Variants in C1QTNF7 observed in about 807,000 individuals in gnomAD.
C1QTNF7 encodes the protein C1q and TNF related 7, also known as complement C1q tumor necrosis factor-related protein 7.
C1QTNF7 carries 15 observed loss-of-function variants against 19.6 expected under a neutral mutation model. The ratio of observed to expected loss-of-function variants is 0.76; its 90% CI spans 0.51 to 1.18. The LOEUF (loss-of-function observed/expected upper bound fraction) is 1.18. Among genes scored for constraint, C1QTNF7 ranks in the 50% most tolerant of loss-of-function variants. The pLI is 0.00. For missense variants in C1QTNF7, 324 were observed against 359.7 expected (o/e 0.90, Z 0.80); for synonymous variants, 142 against 137.5 (o/e 1.03, Z -0.23).
At position 15,435,936 on chromosome 4, in the gene C1QTNF7, G is replaced by T; in HGVS notation, c.193G>T (p.Gly65Cys). 1.2e-6 allele frequency: 2 copies of T among 1,614,032 alleles called. No homozygotes were observed. The highest frequency in any genetic ancestry group is 1.7e-6 in the Non-Finnish European group (2 of 1,179,992). ...HGRIGLPGRD[G>C]RDGRKGEKGE... The stretch of plus-strand genomic sequence containing the variant: ...TCGCATCGGCCTTCCAGGAAGAGAT[G>T]GTAGAGACGGCAGGAAAGGAGAGAA... The change falls in exon 2 of 3, where the codon GGT becomes TGT. Residue 65 changes from glycine to cysteine, a missense_variant. Gly to Cys is a radical substitution (Grantham distance 159). Coordinates refer to ENST00000444304, the MANE Select transcript of C1QTNF7 (RefSeq NM_031911.5).
Position 15,436,035 on chromosome 4 carries a change from G to C in C1QTNF7, c.238+54G>C, listed in dbSNP as rs937083291. 5.8e-6 allele frequency: 9 copies of C among 1,558,060 alleles called. No individual in the cohort carries two copies. In the African/African-American group the frequency reaches 1.2e-4, roughly 21 times the overall value. On this transcript the variant is annotated intron_variant, in intron 2 of 2. Transcript: ENST00000444304. The stretch of plus-strand genomic sequence containing the variant: ...CCTCCTTCACCCCCACCTTAAAACT[G>C]TTCCCCTTTCTTTGTTACTTTTTCT...
intron 1 of C1QTNF7, among the ~76,000 whole-genome samples, chr4:15,392,296 TA>T (rs374356648): frequency 9.1e-4 from 139 of 152,240 alleles, no homozygotes; most frequent in African/African-American, 3.1e-3. Context: ...TGTATATATC[TA>T]GGGGGCGCTT....
At chr4:15,365,338 G>A (rs951406498) in intron 1 of C1QTNF7, among the ~76,000 whole-genome samples, 4 of 151,968 alleles carry the variant, frequency 2.6e-5, no homozygotes, top group Non-Finnish European at 5.9e-5. Flanking sequence ...TAACAAATGT[G>A]CAGCCTTGAG....
intron 1 of C1QTNF7, among the ~76,000 whole-genome samples, chr4:15,350,646 G>A (rs1427530634): frequency 1.3e-5 from 2 of 152,062 alleles, no homozygotes; most frequent in African/African-American, 4.8e-5. Context: ...TTCCTTAGTT[G>A]GTTAATGACT....
intron 1 of C1QTNF7, among the ~76,000 whole-genome samples, chr4:15,429,341 G>A (rs959752012): frequency 1.3e-5 from 2 of 151,930 alleles, no homozygotes; most frequent in African/African-American, 2.4e-5. Context: ...GGACTTCTTC[G>A]TCTTCCCAAA....
At chr4:15,403,251 T>G (rs920872648) in intron 1 of C1QTNF7, among the ~76,000 whole-genome samples, 1 of 152,222 alleles carries the variant, frequency 6.6e-6, no homozygotes, top group Non-Finnish European at 1.5e-5. Flanking sequence ...GTTATTCATT[T>G]TGGATGTCCA....
chr4:15,410,318 A>G (rs1185630301), intron 1 of C1QTNF7, among the ~76,000 whole-genome samples: 1 of 152,180 alleles, frequency 6.6e-6, no homozygotes, highest in Admixed American at 6.5e-5. Context: ...TAATTCCACC[A>G]CTTTCACAAT....
intron 1 of C1QTNF7, among the ~76,000 whole-genome samples, chr4:15,341,088 A>C (rs964549369): frequency 4.6e-5 from 7 of 152,224 alleles, no homozygotes; most frequent in African/African-American, 1.7e-4. Context: ...TGTCACAGAA[A>C]TCTGCACATT....
At chr4:15,417,070 C>G (rs576809991) in intron 1 of C1QTNF7, among the ~76,000 whole-genome samples, 1 of 152,100 alleles carries the variant, frequency 6.6e-6, no homozygotes, top group Non-Finnish European at 1.5e-5. Context: ...AAATACCCAC[C>G]TTTTATTCTT....
In C1QTNF7 at chr4:15,405,163, A is replaced by T. The variant is rs185925639; in HGVS notation, c.14-30573A>T. 1.1e-3 allele frequency among the ~76,000 whole-genome samples: 163 copies of T among 152,322 alleles called. 3 individuals are homozygous for T. Among genetic ancestry groups the T allele is most frequent in the Admixed American group, 0.01 (154 of 15,296 alleles). On this transcript the variant is annotated intron_variant, in intron 1 of 2. Coordinates refer to the C1QTNF7 transcript ENST00000295297. ...GCACTGGTTCAGCTGCTCATTAAAG[A>T]CATTAGGGAATGAAGCTGTTTCCCT...
chr4:15,360,280 A>G (rs560049017), intron 1 of C1QTNF7, among the ~76,000 whole-genome samples: 2 of 152,294 alleles, frequency 1.3e-5, no homozygotes, highest in Admixed American at 6.5e-5. Context: ...CACAGCTGTT[A>G]TGTTCTATAA....
chr4:15,364,120 C>G (rs544737526), intron 1 of C1QTNF7, among the ~76,000 whole-genome samples: 124 of 152,334 alleles, frequency 8.1e-4, no homozygotes, highest in Non-Finnish European at 1.4e-3. Flanking sequence ...CCATCACACC[C>G]CTGACTTGTC....
intron 1 of C1QTNF7, chr4:15,374,426 T>C: frequency 2.9e-6 from 1 of 343,014 alleles, no homozygotes; most frequent in Non-Finnish European, 4.1e-6. Context: ...ACTGTGCTAT[T>C]TCCCAAATAT....
intron 2 of C1QTNF7, among the ~76,000 whole-genome samples, chr4:15,438,624 T>C (rs557987202): frequency 6.6e-6 from 1 of 152,330 alleles, no homozygotes; most frequent in Admixed American, 6.5e-5. Flanking sequence ...TACTGTAGCA[T>C]AATATTAACA....
At chr4:15,355,537 C>G (rs957015510) in intron 1 of C1QTNF7, among the ~76,000 whole-genome samples, 2 of 151,922 alleles carry the variant, frequency 1.3e-5, no homozygotes, top group African/African-American at 4.8e-5. Flanking sequence ...CTCAGACCAC[C>G]ATTCAGGTGC....
At chr4:15,384,122 G>C (rs1191767972) in intron 1 of C1QTNF7, among the ~76,000 whole-genome samples, 1 of 152,188 alleles carries the variant, frequency 6.6e-6, no homozygotes, top group Non-Finnish European at 1.5e-5. Context: ...TGAATAAATT[G>C]GGGATAGTAG....
intron 1 of C1QTNF7, among the ~76,000 whole-genome samples, chr4:15,354,877 A>G (rs551241792): frequency 2.6e-5 from 4 of 152,228 alleles, no homozygotes; most frequent in African/African-American, 9.6e-5. Context: ...CTTGGCCAAT[A>G]CTTTAAGGAT....
chr4:15,384,934 T>C (rs968857104), intron 1 of C1QTNF7, among the ~76,000 whole-genome samples: 1 of 152,156 alleles, frequency 6.6e-6, no homozygotes. Flanking sequence ...AGAGCAGGAT[T>C]GGACAGACCC....
At chr4:15,373,028 G>A (rs193264279) in intron 1 of C1QTNF7, among the ~76,000 whole-genome samples, 18 of 152,274 alleles carry the variant, frequency 1.2e-4, no homozygotes, top group South Asian at 2.1e-4. Context: ...TGCACATCCC[G>A]CTGGAAAATA....
Sources: gnomAD v4.1 joint callset for allele counts (sites outside exome capture counted in the v4.1 genomes callset) on GRCh38, gnomAD v4.1.1 for gene constraint, MANE v1.5 for transcripts, NCBI Gene and HGNC (gene_info 2026-07-23, HGNC 2026-07-21) for gene names.